RAE1: variants seen among roughly 807,000 people sequenced by gnomAD.
RAE1 encodes mRNA export factor RAE1.
A neutral mutation model predicts 52.7 loss-of-function variants in RAE1; 13 were observed. The observed-to-expected ratio is 0.25, with a 90% CI of 0.16 to 0.39. The LOEUF (loss-of-function observed/expected upper bound fraction) is 0.39, where lower values mean the gene tolerates loss of function less well. Among genes scored for constraint, RAE1 ranks in the 10% least tolerant of loss-of-function variants. The probability of loss-of-function intolerance (pLI) is 1.00; values close to 1 mark genes in which losing one functional copy is unlikely to be tolerated. For missense variants in RAE1, 262 were observed against 459.8 expected (o/e 0.57, Z 3.93); for synonymous variants, 164 against 153.1 (o/e 1.07, Z -0.52).
chr20:57,363,966 C>T (rs951595427), intron 4 of RAE1, among the ~76,000 whole-genome samples: 26 of 152,194 alleles, frequency 1.7e-4, no homozygotes, highest in Non-Finnish European at 2.9e-4. Context: ...CCTGTGAGAA[C>T]AAAAGTGACT....
chr20:57,359,663 C>A (rs2146141838), intron 4 of RAE1: 1 of 152,368 alleles, frequency 6.6e-6, no homozygotes, highest in Non-Finnish European at 1.5e-5. Context: ...AGGCGTGTCA[C>A]CGCTACTCAT....
intron 8 of RAE1, among the ~76,000 whole-genome samples, chr20:57,369,977 G>A (rs529315007): frequency 1.3e-5 from 2 of 151,966 alleles, no homozygotes; most frequent in Non-Finnish European, 2.9e-5. Flanking sequence ...CTCAGGAACC[G>A]TATGCAGAGT....
In RAE1 at chr20:57,356,442, A is replaced by G; in HGVS notation, c.196-4A>G. The G allele has an allele frequency of 1.9e-6, 3 of 1,609,502 alleles. No homozygotes were observed. The highest frequency in any genetic ancestry group is 2.5e-6 in the Non-Finnish European group (3 of 1,176,892). On this transcript the variant is annotated splice_region_variant and splice_polypyrimidine_tract_variant and intron_variant, in intron 3 of 11. Transcript: ENST00000395841. ...GTTTGCATTGAATTTTTTTGTTACT[A>G]CAGGTTCGCTGCTGGGAAGTTCAAG...
intron 8 of RAE1, 76 bp downstream of exon 8, chr20:57,368,888 A>T: frequency 8.1e-7 from 1 of 1,230,588 alleles, no homozygotes; most frequent in East Asian, 2.5e-5. Flanking sequence ...TCTGGAATAC[A>T]GTTGTACTTT....
At position 57,364,077 on chromosome 20, in the gene RAE1, A is replaced by C. The variant is rs541710412; in HGVS notation, c.289-1279A>C. Among the ~76,000 whole-genome samples, 3 of 152,326 alleles carry C rather than the reference A, an allele frequency of 2.0e-5. No individual in the cohort carries two copies. In the East Asian group the frequency reaches 5.8e-4, roughly 29 times the overall value. On this transcript the variant is annotated intron_variant, in intron 4 of 11. Coordinates refer to ENST00000395841, the MANE Select transcript of RAE1 (RefSeq NM_003610.4). ...AAGAGTCGGAGCTACCCGGGAGAGA[A>C]AGACATGTAGGTAAAGGCACAGGGG...
chr20:57,363,660 C>T (rs1047371384), intron 4 of RAE1, among the ~76,000 whole-genome samples: 16 of 152,068 alleles, frequency 1.1e-4, no homozygotes, highest in African/African-American at 3.9e-4. Flanking sequence ...TAGAGCAAGA[C>T]CGTGTCTCTA....
At position 57,359,387 on chromosome 20, in the gene RAE1, A is replaced by G. The variant is rs138083697; in HGVS notation, c.288+2849A>G. On this transcript the variant is annotated intron_variant, in intron 4 of 11. Coordinates refer to ENST00000395841, the MANE Select transcript of RAE1 (RefSeq NM_003610.4). ...TACTTACATTAACATTACTGCTTCTATTAAGTAATAGATTAGTCCAATGTG... is the reference window on the plus strand; with the variant it reads ...TACTTACATTAACATTACTGCTTCTGTTAAGTAATAGATTAGTCCAATGTG... 2.6e-4 allele frequency: 44 copies of G among 170,158 alleles called. 1 individual carries two copies. In the East Asian group the frequency reaches 6.1e-3, roughly 23 times the overall value. The allele number at this position is 170,158 out of a possible 1,614,324, so 10.5% of individuals were successfully genotyped here. A position where few individuals can be genotyped will look rare whatever the true frequency, so the allele number is the denominator to read the frequency against.
rs776074740 is a variant in RAE1 at position 57,366,980 on chromosome 20, C to CAT, written c.463-26_463-25dup. ...TTTCGACTTCTGCTCTGAATGGTCA[C>CAT]ATACTGGCTTCTCTTTTTTGCTTTT... On this transcript the variant is annotated intron_variant, in intron 6 of 11. Coordinates refer to ENST00000395841, the MANE Select transcript of RAE1 (RefSeq NM_003610.4). 6 of 1,594,468 alleles carry CAT rather than the reference C, an allele frequency of 3.8e-6. No homozygotes were observed. In the South Asian group the frequency reaches 6.6e-5, roughly 18 times the overall value.
intron 11 of RAE1, among the ~76,000 whole-genome samples, chr20:57,376,222 G>C (rs2067112734): frequency 6.6e-6 from 1 of 152,194 alleles, no homozygotes; most frequent in African/African-American, 2.4e-5. Context: ...GGTTTGCTGT[G>C]TGAGCCATGA....
chr20:57,368,685 T>C lies in RAE1; in HGVS notation c.535-20T>C. 1 of 1,563,044 alleles carries C rather than the reference T, an allele frequency of 6.4e-7. No homozygotes were observed. Among genetic ancestry groups the C allele is most frequent in the Non-Finnish European group, 8.8e-7 (1 of 1,134,726 alleles). On this transcript the variant is annotated intron_variant, in intron 7 of 11. Coordinates refer to ENST00000395841, the MANE Select transcript of RAE1 (RefSeq NM_003610.4). ...CACTCCTTCACCTGAAGCGCATCTCTGTTTTCTTCCATTCCCTAGATATAC... is the reference window on the plus strand; with the variant it reads ...CACTCCTTCACCTGAAGCGCATCTCCGTTTTCTTCCATTCCCTAGATATAC...
intron 10 of RAE1, among the ~76,000 whole-genome samples, chr20:57,374,074 G>A (rs1224570744): frequency 3.3e-5 from 5 of 152,174 alleles, no homozygotes. Context: ...TAGAGACGGC[G>A]TTTCACCATA....
At chr20:57,357,154 G>A (rs1389734459) in intron 4 of RAE1, among the ~76,000 whole-genome samples, 1 of 152,180 alleles carries the variant, frequency 6.6e-6, no homozygotes, top group African/African-American at 2.4e-5. Context: ...CTGTAAAACT[G>A]AACCTTTTTG....
At chr20:57,362,494 C>A (rs577690736) in intron 4 of RAE1, among the ~76,000 whole-genome samples, 3 of 152,176 alleles carry the variant, frequency 2.0e-5, no homozygotes, top group African/African-American at 4.8e-5. Flanking sequence ...CTTTACTGAT[C>A]GGGCAACGGG....
chr20:57,368,898 T>G, intron 8 of RAE1, 86 bp downstream of exon 8: 1 of 1,066,308 alleles, frequency 9.4e-7, no homozygotes, highest in Non-Finnish European at 1.4e-6. Context: ...AGTTGTACTT[T>G]GTAAAACCTG....
chr20:57,357,562 G>A (rs1206897857), intron 4 of RAE1: 1 of 152,124 alleles, frequency 6.6e-6, no homozygotes, highest in East Asian at 1.9e-4. Flanking sequence ...TATGCCATTC[G>A]AATTTGTAAG....
chr20:57,375,212 GC>G (rs2067095621), intron 11 of RAE1: 2 of 604,392 alleles, frequency 3.3e-6, no homozygotes, highest in Non-Finnish European at 5.9e-6. Flanking sequence ...CATTTTTGAG[GC>G]CTTTGGGCAT....
intron 8 of RAE1, among the ~76,000 whole-genome samples, chr20:57,369,755 C>CT (rs1201996924): frequency 6.6e-6 from 1 of 152,206 alleles, no homozygotes; most frequent in Non-Finnish European, 1.5e-5. Context: ...GGCCTGCACT[C>CT]TTGTCAGCTT....
chr20:57,371,256 A>T (rs1171633093), intron 8 of RAE1: 1 of 150,730 alleles, frequency 6.6e-6, no homozygotes, highest in Non-Finnish European at 1.5e-5. Context: ...AGCAGAGGGA[A>T]CCATGGAAAA....
At chr20:57,353,966 T>A (rs914088308) in intron 1 of RAE1, 66 bp from the exon 2 acceptor site, 54 of 1,385,030 alleles carry the variant, frequency 3.9e-5, no homozygotes, top group Non-Finnish European at 5.1e-5. Flanking sequence ...CAGTTAATTA[T>A]CTTACCATTG....
Sources: gnomAD v4.1 joint callset for allele counts (sites outside exome capture counted in the v4.1 genomes callset) on GRCh38, gnomAD v4.1.1 for gene constraint, MANE v1.5 for transcripts, NCBI Gene and HGNC (gene_info 2026-07-23, HGNC 2026-07-21) for gene names.